HFM1: variants seen among roughly 807,000 people sequenced by gnomAD.
The protein encoded by HFM1 is helicase for meiosis 1, also known as probable ATP-dependent DNA helicase HFM1.
HFM1 carries 169 observed loss-of-function variants against 192.1 expected under a neutral mutation model. The ratio of observed to expected loss-of-function variants is 0.88; its 90% CI spans 0.78 to 1.00. HFM1 has a LOEUF of 1.00. HFM1 is among the 50% of genes least tolerant of loss of function. HFM1 has a pLI of 0.00. For missense variants in HFM1, 1,661 were observed against 1,668.0 expected (o/e 1.00, Z 0.07); for synonymous variants, 525 against 537.8 (o/e 0.98, Z 0.33).
intron 30 of HFM1, among the ~76,000 whole-genome samples, chr1:91,306,817 T>C (rs1649674649): frequency 6.6e-6 from 1 of 152,178 alleles, no homozygotes; most frequent in South Asian, 2.1e-4. Context: ...ATGCCTCAAG[T>C]TTTCTTTGTG....
Position 91,313,360 on chromosome 1 carries a change from C to T in HFM1, c.3380G>A (p.Gly1127Glu). Residue 1127 changes from glycine to glutamate, a missense_variant, in exon 30 of 39, where the codon GGA becomes GAA. Coordinates refer to ENST00000370425, the MANE Select transcript of HFM1 (RefSeq NM_001017975.6). ...SKHSDISTIA[G>E]PNKGTTASKK... Reference sequence around the variant, plus strand: ...ATACAGCTATTTACCTTTATTAGGTCCTGCTATTGTAGATATGTCTGAATG... The same window carrying T: ...ATACAGCTATTTACCTTTATTAGGTTCTGCTATTGTAGATATGTCTGAATG... 6.4e-7 allele frequency: 1 copy of T among 1,565,194 alleles called. No homozygotes were observed. The highest frequency in any genetic ancestry group is 8.7e-7 in the Non-Finnish European group (1 of 1,146,132).
chr1:91,286,685 T>G (rs535697428), intron 30 of HFM1, among the ~76,000 whole-genome samples: 1 of 152,172 alleles, frequency 6.6e-6, no homozygotes, highest in African/African-American at 2.4e-5. Context: ...ACATCTCCAG[T>G]CTACAGCTCC....
chr1:91,285,905 C>T (rs10922994), intron 30 of HFM1, among the ~76,000 whole-genome samples: 2,622 of 152,210 alleles, frequency 0.017, 69 homozygotes, highest in African/African-American at 0.06. Context: ...TGCTACCCAC[C>T]CCTTAGTCAC....
rs772730124 is a variant in HFM1 at position 91,262,411 on chromosome 1, A to G, written c.4087-19T>C. ...AATGGACCTACATTTGAGATAAAAAATAACAATCATTGAAAGTTTAAGCAC... is the reference window on the plus strand; with the variant it reads ...AATGGACCTACATTTGAGATAAAAAGTAACAATCATTGAAAGTTTAAGCAC... On this transcript the variant is annotated intron_variant, in intron 37 of 38. Transcript: ENST00000370425. 4.4e-6 allele frequency: 7 copies of G among 1,582,222 alleles called. No homozygotes were observed. The African/African-American group carries it at 8.1e-5, about 18-fold the overall frequency.
intron 20 of HFM1, chr1:91,339,113 C>A (rs1654996451): frequency 6.9e-6 from 3 of 435,970 alleles, no homozygotes; most frequent in South Asian, 4.8e-5. Flanking sequence ...GAAAAAGCCC[C>A]ATCTGAAGGA....
At chr1:91,375,103 T>G (rs542715858) in intron 13 of HFM1, among the ~76,000 whole-genome samples, 1 of 152,060 alleles carries the variant, frequency 6.6e-6, no homozygotes, top group African/African-American at 2.4e-5. Flanking sequence ...TGAAAGACTA[T>G]AAAAGATGCT....
chr1:91,352,449 A>C, intron 16 of HFM1, 57 bp downstream of exon 16: 1 of 1,336,658 alleles, frequency 7.5e-7, no homozygotes, highest in Non-Finnish European at 1.0e-6. Flanking sequence ...AAAAATACAC[A>C]ATTTTTTTGT....
chr1:91,385,232 CCT>C lies in HFM1; in HGVS notation c.755_756del (p.Glu252GlyfsTer20). ...AAGGAACCTAAACCATTTTCTGTTA[CCT>C]CTGAAAAAAAAATGCTACATATTTA... Reference protein sequence around the residue: ...SVAFQPHDIQEVTENGLGSLK... With the variant: ...SVAFQPHDIQXVTENGLGSLK... On this transcript the variant is annotated frameshift_variant and splice_region_variant, in exon 6 of 39. Coordinates refer to ENST00000370425, the MANE Select transcript of HFM1 (RefSeq NM_001017975.6). LOFTEE classifies it high-confidence loss of function. The C allele has an allele frequency of 6.5e-7, 1 of 1,542,312 alleles. No individual in the cohort carries two copies. Among genetic ancestry groups the C allele is most frequent in the Non-Finnish European group, 8.9e-7 (1 of 1,124,372 alleles).
intron 30 of HFM1, among the ~76,000 whole-genome samples, chr1:91,299,178 A>C (rs1268999496): frequency 1.3e-5 from 2 of 152,226 alleles, no homozygotes; most frequent in African/African-American, 2.4e-5. Flanking sequence ...AACAAAGATC[A>C]AAAGACACAA....
At chr1:91,389,833 G>C (rs1328349204) in intron 4 of HFM1, among the ~76,000 whole-genome samples, 1 of 152,192 alleles carries the variant, frequency 6.6e-6, no homozygotes, top group East Asian at 1.9e-4. Flanking sequence ...GTACTGGACA[G>C]AATGTGGAGA....
rs141541562 is a variant in HFM1, at chr1:91,270,323, T to C, written c.3773-2468A>G. ...GCAGCTTAACAAAGTAAAGAGTTCA[T>C]TCATTGAGCTAAGGCAAAAAGAAAA... On this transcript the variant is annotated intron_variant, in intron 34 of 38. Transcript: ENST00000370425. 2.7e-3 allele frequency among the ~76,000 whole-genome samples: 414 copies of C among 152,220 alleles called. 1 individual carries two copies. Among genetic ancestry groups the C allele is most frequent in the African/African-American group, 9.1e-3 (380 of 41,534 alleles).
At chr1:91,366,051 GGAGA>G (rs1403062972) in intron 13 of HFM1, among the ~76,000 whole-genome samples, 1 of 151,602 alleles carries the variant, frequency 6.6e-6, no homozygotes, top group Non-Finnish European at 1.5e-5. Flanking sequence ...GAGAGTTAAA[GGAGA>G]GAGAAACTTT....
chr1:91,370,549 G>C (rs1192353507), intron 13 of HFM1, among the ~76,000 whole-genome samples: 1 of 152,130 alleles, frequency 6.6e-6, no homozygotes, highest in Non-Finnish European at 1.5e-5. Context: ...AACCCTTCAT[G>C]CTAAAAACTC....
At chr1:91,373,116 G>A (rs1358984631) in intron 13 of HFM1, among the ~76,000 whole-genome samples, 1 of 148,368 alleles carries the variant, frequency 6.7e-6, no homozygotes, top group Non-Finnish European at 1.5e-5. Flanking sequence ...TTCTTTAATA[G>A]ACTATCTTTA....
intron 2 of HFM1, 41 bp from the exon 3 acceptor site, chr1:91,396,446 G>C: frequency 7.3e-6 from 7 of 959,822 alleles, no homozygotes; most frequent in Non-Finnish European, 9.5e-6. Context: ...TGTTAATAAA[G>C]ATATAACATG....
intron 23 of HFM1, among the ~76,000 whole-genome samples, chr1:91,321,246 C>A (rs995330143): frequency 9.2e-5 from 14 of 152,130 alleles, no homozygotes; most frequent in Non-Finnish European, 1.8e-4. Context: ...GAGTTTGGGA[C>A]AAGACTGGCC....
chr1:91,276,427 G>C (rs956528201), intron 32 of HFM1, among the ~76,000 whole-genome samples: 5 of 152,086 alleles, frequency 3.3e-5, no homozygotes, highest in Non-Finnish European at 1.5e-5. Flanking sequence ...GCTCAAAGAA[G>C]ATGGAAGGAA....
chr1:91,319,589 CTTTATTTA>C (rs374997334), intron 23 of HFM1, among the ~76,000 whole-genome samples, 199 bp from the exon 24 acceptor site: 2 of 151,882 alleles, frequency 1.3e-5, no homozygotes, highest in Admixed American at 6.6e-5. Flanking sequence ...TCAAAGTTGT[CTTTATTTA>C]TTTATTTATT....
rs138300240 is a variant in HFM1, at chr1:91,390,514, C to T, written c.494+3579G>A. 5.3e-3 allele frequency among the ~76,000 whole-genome samples: 807 copies of T among 151,154 alleles called. 4 individuals are homozygous for T. Among genetic ancestry groups the T allele is most frequent in the African/African-American group, 0.019 (772 of 41,304 alleles). On this transcript the variant is annotated intron_variant, in intron 4 of 38. Coordinates refer to ENST00000370425, the MANE Select transcript of HFM1 (RefSeq NM_001017975.6). ...GGAGGGAAAGAATGAAAGACTGATA[C>T]ATAACACAACATGCATGAACCTTAA... is the stretch of plus-strand genomic sequence containing the variant.
Sources: allele counts gnomAD v4.1 joint callset (sites outside exome capture counted in the v4.1 genomes callset), GRCh38; gene constraint gnomAD v4.1.1; transcripts MANE v1.5; gene names NCBI Gene and HGNC (gene_info 2026-07-23, HGNC 2026-07-21).